ACSM3: variants seen among roughly 807,000 people sequenced by gnomAD.
The protein encoded by ACSM3 is acyl-coenzyme A synthetase ACSM3, mitochondrial.
ACSM3 carries 61 observed loss-of-function variants against 74.1 expected under a neutral mutation model. The ratio of observed to expected loss-of-function variants is 0.82; its 90% CI spans 0.67 to 1.02. ACSM3 has a LOEUF of 1.02. ACSM3 is among the 50% of genes least tolerant of loss of function. The pLI is 0.00. For synonymous variants in ACSM3, 213 were observed against 241.5 expected (o/e 0.88, Z 1.09); for missense variants, 660 against 697.0 (o/e 0.95, Z 0.60).
chr16:20,685,736 C>G (rs551467775), intron 1 of ACSM3, among the ~76,000 whole-genome samples: 2 of 148,126 alleles, frequency 1.4e-5, no homozygotes, highest in Non-Finnish European at 3.0e-5. Flanking sequence ...AGGAGAATTG[C>G]TTGAACCCAG....
chr16:20,707,355 T>G (rs1472470336), intron 1 of ACSM3, among the ~76,000 whole-genome samples: 2 of 152,054 alleles, frequency 1.3e-5, no homozygotes, highest in Non-Finnish European at 2.9e-5. Context: ...TGCAACTTGG[T>G]TTCCGCCCCT....
intron 1 of ACSM3, among the ~76,000 whole-genome samples, chr16:20,693,844 T>C (rs1032437140): frequency 6.6e-6 from 1 of 152,200 alleles, no homozygotes; most frequent in Admixed American, 6.5e-5. Context: ...TTTAATATTG[T>C]AAAAAGTAAA....
intron 1 of ACSM3, chr16:20,741,464 G>A: frequency 3.4e-6 from 5 of 1,472,982 alleles, no homozygotes; most frequent in Non-Finnish European, 4.5e-6. Flanking sequence ...CCCTCCTCCC[G>A]CAAGGCCTGG....
chr16:20,786,651 C>G lies in ACSM3; in HGVS notation c.1224+493C>G, dbSNP rs572271692. Among the ~76,000 whole-genome samples, 209 of 152,318 alleles carry G rather than the reference C, an allele frequency of 1.4e-3. 1 individual carries two copies. The highest frequency in any genetic ancestry group is 4.7e-3 in the African/African-American group (197 of 41,572). On this transcript the variant is annotated intron_variant, in intron 9 of 13. Coordinates refer to ENST00000289416, the MANE Select transcript of ACSM3 (RefSeq NM_005622.4). Reference sequence around the variant, plus strand: ...TGAGCCATGATCACACCACTGCACTCTAACCTGGGCCACAGAGCAAGACCC... The same window carrying G: ...TGAGCCATGATCACACCACTGCACTGTAACCTGGGCCACAGAGCAAGACCC...
At chr16:20,796,348 G>A (rs1458354822) in intron 12 of ACSM3, 22 bp from the exon 13 acceptor site, 1 of 1,601,188 alleles carries the variant, frequency 6.2e-7, no homozygotes, top group African/African-American at 1.4e-5. Context: ...CATTTTCCTG[G>A]TGTTTCAAAT....
intron 1 of ACSM3, among the ~76,000 whole-genome samples, chr16:20,696,861 C>T (rs988959581): frequency 6.6e-6 from 1 of 152,156 alleles, no homozygotes; most frequent in Non-Finnish European, 1.5e-5. Context: ...GTTACAGAGC[C>T]AGGGCTAGAT....
chr16:20,759,358 C>A (rs2080057540), upstream of ACSM3, among the ~76,000 whole-genome samples: 1 of 152,020 alleles, frequency 6.6e-6, no homozygotes, highest in South Asian at 2.1e-4. Context: ...GAGATCGAGA[C>A]CATCTTGGCT....
In ACSM3 at chr16:20,728,479, C is replaced by T. The variant is rs116877293; in HGVS notation, c.-189-21431C>T. The T allele has an allele frequency of 2.6e-5, 31 of 1,195,664 alleles. No individual in the cohort carries two copies. In the East Asian group the frequency reaches 7.4e-4, roughly 29 times the overall value. 74.1% of individuals were successfully genotyped at this position (1,195,664 alleles called of 1,614,324 possible). A position where few individuals can be genotyped will look rare whatever the true frequency, so the allele number is the denominator to read the frequency against. ...TCTACACAGCCCTTCTGTTTCTTCT[C>T]TGAATATGTGATATGAGGATAGAAA... On this transcript the variant is annotated intron_variant, in intron 1 of 3. Transcript: ENST00000561584.
chr16:20,736,747 G>T, intron 1 of ACSM3: 1 of 868,850 alleles, frequency 1.2e-6, no homozygotes, highest in Non-Finnish European at 1.7e-6. Flanking sequence ...CGCAATCATT[G>T]CTCACTACTG....
At chr16:20,726,166 G>A (rs1211850590) in intron 1 of ACSM3, among the ~76,000 whole-genome samples, 1 of 152,112 alleles carries the variant, frequency 6.6e-6, no homozygotes, top group Non-Finnish European at 1.5e-5. Flanking sequence ...CTGTCATTTA[G>A]AACCAGCCCT....
chr16:20,741,853 G>A (rs1457648026), intron 1 of ACSM3: 6 of 1,535,904 alleles, frequency 3.9e-6, no homozygotes, highest in Non-Finnish European at 5.2e-6. Context: ...CCCCTAGCCG[G>A]CCTCGAAGCC....
At chr16:20,689,276 G>T (rs1466613911) in intron 1 of ACSM3, among the ~76,000 whole-genome samples, 1 of 151,834 alleles carries the variant, frequency 6.6e-6, no homozygotes, top group Admixed American at 6.6e-5. Context: ...AATTCCCATG[G>T]TAACCACAAG....
chr16:20,755,627 TTTATTATTATTA>T (rs71149182), intron 3 of ACSM3: 1 of 146,134 alleles, frequency 6.8e-6, no homozygotes, highest in Admixed American at 6.8e-5. Flanking sequence ...GTAAGTGCTT[TTTATTATTATTA>T]TTATTATTAT....
intron 1 of ACSM3, among the ~76,000 whole-genome samples, chr16:20,768,765 C>G (rs549701355): frequency 6.6e-6 from 1 of 152,226 alleles, no homozygotes; most frequent in South Asian, 2.1e-4. Context: ...AGTTCTAACT[C>G]TGGTATGACA....
chr16:20,691,126 G>A (rs1365062712), intron 1 of ACSM3: 8 of 1,613,280 alleles, frequency 5.0e-6, no homozygotes, highest in Non-Finnish European at 6.8e-6. Flanking sequence ...AAGGGGCAGG[G>A]TGGATGTTGT....
At chr16:20,796,700 T>C (rs2080730461) in intron 13 of ACSM3, 186 bp from the exon 14 acceptor site, 1 of 1,481,162 alleles carries the variant, frequency 6.8e-7, no homozygotes, top group African/African-American at 1.4e-5. Flanking sequence ...GGACTCACAG[T>C]AAATACTTAA....
chr16:20,739,623 C>A (rs1403535875), intron 1 of ACSM3, among the ~76,000 whole-genome samples: 1 of 151,924 alleles, frequency 6.6e-6, no homozygotes, highest in Non-Finnish European at 1.5e-5. Context: ...AAGTTCGAGA[C>A]CAGCCTAGCC....
intron 7 of ACSM3, among the ~76,000 whole-genome samples, chr16:20,783,028 T>C (rs1403245632): frequency 6.6e-6 from 1 of 152,154 alleles, no homozygotes; most frequent in East Asian, 1.9e-4. Context: ...ATTAAGTCAA[T>C]CTCCAGCTCC....
At chr16:20,730,102 C>T (rs899937516) in intron 1 of ACSM3, among the ~76,000 whole-genome samples, 5 of 152,142 alleles carry the variant, frequency 3.3e-5, no homozygotes, top group African/African-American at 1.2e-4. Flanking sequence ...ATATGCTGAT[C>T]GGCCAGACTT....
Sources: allele counts gnomAD v4.1 joint callset (sites outside exome capture counted in the v4.1 genomes callset), GRCh38; gene constraint gnomAD v4.1.1; transcripts MANE v1.5; gene names NCBI Gene and HGNC (gene_info 2026-07-23, HGNC 2026-07-21).